Variants in NELL2 observed in about 807,000 individuals in gnomAD.
NELL2 encodes protein kinase C-binding protein NELL2.
A neutral mutation model predicts 109.6 loss-of-function variants in NELL2; 41 were observed. That is an observed-to-expected ratio of 0.37 (90% CI 0.29 to 0.49). The LOEUF (loss-of-function observed/expected upper bound fraction) is 0.49, where lower values mean the gene tolerates loss of function less well. Among genes scored for constraint, NELL2 ranks in the 20% least tolerant of loss-of-function variants. NELL2 has a pLI of 0.98. For synonymous variants in NELL2, 355 were observed against 344.7 expected (o/e 1.03, Z -0.33); for missense variants, 900 against 1,008.3 (o/e 0.89, Z 1.45).
chr12:44,920,178 G>C (rs898360750), intron 1 of NELL2, among the ~76,000 whole-genome samples: 7 of 152,210 alleles, frequency 4.6e-5, no homozygotes, highest in South Asian at 2.1e-4. Flanking sequence ...TAGAAATAAA[G>C]TAGAAGAATA....
Position 44,617,553 on chromosome 12 carries a change from G to A in NELL2, c.1445-6583C>T, listed in dbSNP as rs187302232. ...ACACACACAAAAAAATTAGCCGGGC[G>A]TAGTGGCGGGCGCCTGTAGTCCCAG... On this transcript the variant is annotated intron_variant, in intron 13 of 19. Coordinates refer to ENST00000429094, the MANE Select transcript of NELL2 (RefSeq NM_001145108.2). Among the ~76,000 whole-genome samples, 471 of 134,958 alleles carry A rather than the reference G, an allele frequency of 3.5e-3. 91 individuals are homozygous for A. The highest frequency in any genetic ancestry group is 9.1e-3 in the African/African-American group (271 of 29,764). The allele number at this position is 134,958 out of a possible 152,430, so 88.5% of individuals were successfully genotyped here. A position where few individuals can be genotyped will look rare whatever the true frequency, so the allele number is the denominator to read the frequency against.
chr12:44,826,974 T>G (rs1674223711), intron 2 of NELL2, among the ~76,000 whole-genome samples: 1 of 152,176 alleles, frequency 6.6e-6, no homozygotes, highest in Non-Finnish European at 1.5e-5. Context: ...TATAGAAAAT[T>G]ATTTATATCA....
chr12:44,734,362 A>G (rs1231392680), intron 9 of NELL2, among the ~76,000 whole-genome samples: 1 of 151,884 alleles, frequency 6.6e-6, no homozygotes, highest in Non-Finnish European at 1.5e-5. Flanking sequence ...TATATTTTAA[A>G]TGGGTATCTT....
chr12:44,541,028 G>A (rs998413707), intron 15 of NELL2, among the ~76,000 whole-genome samples: 2 of 151,432 alleles, frequency 1.3e-5, no homozygotes, highest in African/African-American at 4.8e-5. Flanking sequence ...GGTGGATCAC[G>A]AGGTCAGGAG....
intron 3 of NELL2, among the ~76,000 whole-genome samples, chr12:44,802,512 T>C (rs1472275406): frequency 7.2e-5 from 11 of 152,032 alleles, no homozygotes; most frequent in Admixed American, 5.9e-4. Flanking sequence ...CAATACTGTA[T>C]ATAAAGCTAT....
rs746999913 is a variant in NELL2 at position 44,556,298 on chromosome 12, G to C, written c.1664-23577C>G. Among the ~76,000 whole-genome samples, 8 of 152,324 alleles carry C rather than the reference G, an allele frequency of 5.3e-5. No individual in the cohort carries two copies. The South Asian group carries it at 1.0e-3, about 20-fold the overall frequency. ...GCTAGTCTCTGTTCCAGGAAAGCAG[G>C]TGCTTACCCAGAGGGGCTGATTTGA... On this transcript the variant is annotated intron_variant, in intron 15 of 19. Coordinates refer to ENST00000429094, the MANE Select transcript of NELL2 (RefSeq NM_001145108.2).
At chr12:44,570,098 T>C (rs1178484958) in intron 15 of NELL2, among the ~76,000 whole-genome samples, 1 of 152,208 alleles carries the variant, frequency 6.6e-6, no homozygotes, top group African/African-American at 2.4e-5. Context: ...ACCAATTTAG[T>C]TTCATTAATG....
chr12:44,625,460 T>A (rs1029669643), intron 13 of NELL2, among the ~76,000 whole-genome samples: 2 of 152,150 alleles, frequency 1.3e-5, no homozygotes, highest in African/African-American at 4.8e-5. Context: ...CCTAGCTCCC[T>A]ACATCAAACA....
chr12:44,546,931 C>T (rs1289599602), intron 15 of NELL2, among the ~76,000 whole-genome samples: 1 of 152,180 alleles, frequency 6.6e-6, no homozygotes, highest in East Asian at 1.9e-4. Flanking sequence ...AGTTGTTTGG[C>T]TGCTAACTGC....
rs113410725 is a variant in NELL2 at position 44,848,667 on chromosome 12, A to AAG, written c.184+26556_184+26557dup. On this transcript the variant is annotated intron_variant, in intron 2 of 19. Transcript: ENST00000429094. ...CTCATGAACTGTCATCACTTTATAA[A>AAG]AGAGAGAGAGAGAGAGAGAAGGGGC... Among the ~76,000 whole-genome samples, 731 of 149,910 alleles carry AAG rather than the reference A, an allele frequency of 4.9e-3. 3 individuals are homozygous for AAG. Among genetic ancestry groups the AAG allele is most frequent in the Non-Finnish European group, 7.3e-3 (491 of 67,182 alleles).
chr12:44,817,140 T>C (rs1455293972), intron 2 of NELL2, among the ~76,000 whole-genome samples: 1 of 152,186 alleles, frequency 6.6e-6, no homozygotes, highest in Non-Finnish European at 1.5e-5. Flanking sequence ...CATTTAGCAC[T>C]CCTGGGTCCC....
At position 44,602,739 on chromosome 12, in the gene NELL2, C is replaced by T. The variant is rs138845932; in HGVS notation, c.1663+4430G>A. Among the ~76,000 whole-genome samples, 494 of 151,768 alleles carry T rather than the reference C, an allele frequency of 3.3e-3. 3 individuals are homozygous for T. Among genetic ancestry groups the T allele is most frequent in the East Asian group, 0.013 (68 of 5,166 alleles). ...CTTGCTTCTGAATTTTTTTAGACTT[C>T]GTATGTAAAAATGATATACACTTAT... On this transcript the variant is annotated intron_variant, in intron 15 of 19. Transcript: ENST00000429094.
At chr12:44,562,792 T>C (rs1156283216) in intron 15 of NELL2, among the ~76,000 whole-genome samples, 2 of 152,200 alleles carry the variant, frequency 1.3e-5, no homozygotes, top group Admixed American at 1.3e-4. Flanking sequence ...AGAAATACCA[T>C]TTGACCCAGC....
At chr12:44,886,807 C>T (rs1037985350) in intron 1 of NELL2, among the ~76,000 whole-genome samples, 3 of 151,930 alleles carry the variant, frequency 2.0e-5, no homozygotes, top group African/African-American at 7.3e-5. Context: ...TCTCTTCATC[C>T]TCCCCTCCCC....
In NELL2 at chr12:44,681,686, C is replaced by T. The variant is rs1240163115; in HGVS notation, c.1319-16077G>A. On this transcript the variant is annotated intron_variant, in intron 12 of 19. Transcript: ENST00000429094. ...TGCGGTGTTTGGTTTTTTGTTCTTGCGATAGTTTACTGAGAATGATGATTT... is the reference window on the plus strand; with the variant it reads ...TGCGGTGTTTGGTTTTTTGTTCTTGTGATAGTTTACTGAGAATGATGATTT... 2.9e-3 allele frequency among the ~76,000 whole-genome samples: 434 copies of T among 152,016 alleles called. 1 individual carries two copies. Among genetic ancestry groups the T allele is most frequent in the African/African-American group, 9.6e-3 (396 of 41,442 alleles).
chr12:44,658,895 A>G (rs1000810583), intron 13 of NELL2, among the ~76,000 whole-genome samples: 28 of 150,740 alleles, frequency 1.9e-4, no homozygotes, highest in South Asian at 1.2e-3. Context: ...AAAAAAAAAA[A>G]AAAAGAAAAG....
intron 9 of NELL2, among the ~76,000 whole-genome samples, chr12:44,721,648 G>C (rs1005671068): frequency 6.6e-6 from 1 of 151,862 alleles, no homozygotes; most frequent in African/African-American, 2.4e-5. Context: ...GCACCATTTA[G>C]ACACATGTTG....
chr12:44,630,060 T>C (rs1946396402), intron 13 of NELL2, among the ~76,000 whole-genome samples: 3 of 152,218 alleles, frequency 2.0e-5, no homozygotes, highest in Admixed American at 1.3e-4. Context: ...AATACCTATA[T>C]GCATATTTTG....
At chr12:44,898,535 CAACA>C (rs1329437546) in intron 1 of NELL2, among the ~76,000 whole-genome samples, 1 of 152,034 alleles carries the variant, frequency 6.6e-6, no homozygotes, top group Non-Finnish European at 1.5e-5. Flanking sequence ...GAAGGAAAAC[CAACA>C]AACAGAAAGC....
Sources: allele counts gnomAD v4.1 joint callset (sites outside exome capture counted in the v4.1 genomes callset), GRCh38; gene constraint gnomAD v4.1.1; transcripts MANE v1.5; gene names NCBI Gene and HGNC (gene_info 2026-07-23, HGNC 2026-07-21).